LIPC: variants seen among roughly 807,000 people sequenced by gnomAD.
LIPC encodes the protein hepatic triacylglycerol lipase.
Under a neutral mutation model 50.7 loss-of-function variants are expected in LIPC, and 44 were observed. The ratio of observed to expected loss-of-function variants is 0.87; its 90% CI spans 0.68 to 1.11. The LOEUF (loss-of-function observed/expected upper bound fraction) is 1.11. Among genes scored for constraint, LIPC ranks in the 50% most tolerant of loss-of-function variants. The pLI is 0.00. For synonymous variants in LIPC, 271 were observed against 256.4 expected (o/e 1.06, Z -0.54); for missense variants, 697 against 648.2 (o/e 1.08, Z -0.82).
chr15:58,550,635 G>A (rs1281300610), intron 6 of LIPC, among the ~76,000 whole-genome samples: 2 of 151,858 alleles, frequency 1.3e-5, no homozygotes, highest in Non-Finnish European at 2.9e-5. Flanking sequence ...ACTAACCCAC[G>A]ATGAGTTCCT....
In LIPC at chr15:58,541,612, T is replaced by A. The variant is rs142281111; in HGVS notation, c.274-173T>A. The A allele has an allele frequency of 2.9e-5, 20 of 694,580 alleles. No homozygotes were observed. In the East Asian group the frequency reaches 4.6e-4, roughly 16 times the overall value. 43.0% of individuals were successfully genotyped at this position (694,580 alleles called of 1,614,324 possible). On this transcript the variant is annotated intron_variant, in intron 2 of 8. Coordinates refer to ENST00000299022, the MANE Select transcript of LIPC (RefSeq NM_000236.3). ...AGGAATGCTGCTAAACATCGTACAA[T>A]GCCCAAGACAGCCCCCACAACAAGG...
At chr15:58,477,922 A>G (rs1355748128) in intron 1 of LIPC, among the ~76,000 whole-genome samples, 2 of 152,096 alleles carry the variant, frequency 1.3e-5, no homozygotes, top group East Asian at 1.9e-4. Flanking sequence ...AAGTCCCTCT[A>G]TGATCTGAGT....
chr15:58,433,230 G>A (rs1215966500), intron 1 of LIPC, among the ~76,000 whole-genome samples: 2 of 152,118 alleles, frequency 1.3e-5, no homozygotes, highest in Non-Finnish European at 2.9e-5. Context: ...TTGGTTCATA[G>A]TGATTTTGCT....
chr15:58,544,391 C>CTTTTTTTTTTTTT lies in LIPC; in HGVS notation c.575-1348_575-1347insTTTTTTTTTTTTT, dbSNP rs572161614. Among the ~76,000 whole-genome samples, 2 of 110,272 alleles carry CTTTTTTTTTTTTT rather than the reference C, an allele frequency of 1.8e-5. 1 individual carries two copies. Among genetic ancestry groups the CTTTTTTTTTTTTT allele is most frequent in the African/African-American group, 6.6e-5 (2 of 30,186 alleles). 72.3% of individuals were successfully genotyped at this position (110,272 alleles called of 152,430 possible). A position where few individuals can be genotyped will look rare whatever the true frequency, so the allele number is the denominator to read the frequency against. On this transcript the variant is annotated intron_variant, in intron 4 of 8. Transcript: ENST00000299022. Reference sequence around the variant, plus strand: ...CATATCAGGACATTTTTCTTTTTCTCTTTCTTTTTTTTTTTTTTTTTTGAG... The same window carrying CTTTTTTTTTTTTT: ...CATATCAGGACATTTTTCTTTTTCTCTTTTTTTTTTTTTTTTCTTTTTTTTTTTTTTTTTTGAG...
intron 1 of LIPC, among the ~76,000 whole-genome samples, chr15:58,466,270 G>C (rs569871843): frequency 1.3e-5 from 2 of 152,192 alleles, no homozygotes; most frequent in Admixed American, 6.5e-5. Flanking sequence ...AACTCCTAGC[G>C]GGTGACTCAT....
At chr15:58,500,536 C>CA (rs1222529829) in intron 1 of LIPC, among the ~76,000 whole-genome samples, 2 of 152,204 alleles carry the variant, frequency 1.3e-5, no homozygotes, top group African/African-American at 4.8e-5. Context: ...GCGCAGTCTA[C>CA]AGTCACTTGA....
At chr15:58,495,010 C>G (rs1397640723) in intron 1 of LIPC, 1 of 398,856 alleles carries the variant, frequency 2.5e-6, no homozygotes, top group African/African-American at 2.1e-5. Context: ...CTTCCCTCCC[C>G]TGCCCCCTTA....
At chr15:58,556,782 T>C (rs1466069661) in intron 6 of LIPC, among the ~76,000 whole-genome samples, 1 of 152,240 alleles carries the variant, frequency 6.6e-6, no homozygotes, top group Non-Finnish European at 1.5e-5. Flanking sequence ...CTTCATCAGT[T>C]ATTAGCCACG....
Position 58,464,031 on chromosome 15 carries a change from T to C in LIPC, c.88+31911T>C, listed in dbSNP as rs150586533. On this transcript the variant is annotated intron_variant, in intron 1 of 8. Coordinates refer to ENST00000299022, the MANE Select transcript of LIPC (RefSeq NM_000236.3). The stretch of plus-strand genomic sequence containing the variant: ...AATAGAACAGTAGAGAAAACACAGA[T>C]GAAAGGCAAATAACCCCACCTGAAA... Among the ~76,000 whole-genome samples the C allele has an allele frequency of 2.4e-3, 366 of 152,226 alleles. 1 individual carries two copies. Among genetic ancestry groups the C allele is most frequent in the Non-Finnish European group, 3.6e-3 (242 of 68,010 alleles).
At chr15:58,501,865 G>T (rs1377912844) in intron 1 of LIPC, among the ~76,000 whole-genome samples, 1 of 152,080 alleles carries the variant, frequency 6.6e-6, no homozygotes, top group Non-Finnish European at 1.5e-5. Context: ...CCACCCTTCA[G>T]GAATGTTCTG....
chr15:58,460,066 CGGTG>C (rs1417514172), intron 1 of LIPC, among the ~76,000 whole-genome samples: 3 of 152,214 alleles, frequency 2.0e-5, no homozygotes, highest in African/African-American at 7.2e-5. Context: ...TCCAAGCCCA[CGGTG>C]GTTACGTCTG....
chr15:58,482,356 G>A (rs1194791262), intron 1 of LIPC, among the ~76,000 whole-genome samples: 1 of 152,132 alleles, frequency 6.6e-6, no homozygotes, highest in Non-Finnish European at 1.5e-5. Context: ...ACCCTCTCCA[G>A]CTCATGCTCT....
intron 1 of LIPC, among the ~76,000 whole-genome samples, chr15:58,494,181 CAGAG>C (rs1257576293): frequency 1.3e-4 from 20 of 152,234 alleles, no homozygotes; most frequent in African/African-American, 4.6e-4. Context: ...AGAGAATCCC[CAGAG>C]AGAGCAAGAG....
At chr15:58,506,118 G>C (rs1476089860) in intron 1 of LIPC, among the ~76,000 whole-genome samples, 1 of 152,158 alleles carries the variant, frequency 6.6e-6, no homozygotes, top group African/African-American at 2.4e-5. Context: ...GGTGCCTGTA[G>C]TACCTCTTCC....
Position 58,452,697 on chromosome 15 carries a change from C to T in LIPC, c.88+20577C>T, listed in dbSNP as rs942092232. 8.2e-4 allele frequency among the ~76,000 whole-genome samples: 99 copies of T among 120,368 alleles called. 1 individual carries two copies. Among genetic ancestry groups the T allele is most frequent in the Admixed American group, 2.8e-3 (26 of 9,228 alleles). The allele number at this position is 120,368 out of a possible 152,430, so 79.0% of individuals were successfully genotyped here. A position where few individuals can be genotyped will look rare whatever the true frequency, so the allele number is the denominator to read the frequency against. On this transcript the variant is annotated intron_variant, in intron 1 of 8. Transcript: ENST00000299022. ...AGGATAGTTCTGCTCTTTCACTCCT[C>T]TTTTCTCTGGAGCACCGTGGGGTAG... is the stretch of plus-strand genomic sequence containing the variant.
intron 6 of LIPC, 91 bp from the exon 7 acceptor site, chr15:58,560,773 G>A (rs1894131702): frequency 5.7e-6 from 4 of 703,518 alleles, no homozygotes; most frequent in Non-Finnish European, 7.8e-6. Flanking sequence ...TCTTCCCTCT[G>A]CATGTTTAAA....
At position 58,486,971 on chromosome 15, in the gene LIPC, G is replaced by A. The variant is rs187666350; in HGVS notation, c.89-51362G>A. On this transcript the variant is annotated intron_variant, in intron 1 of 8. Transcript: ENST00000299022. ...GTGAGCACGGGCCCACAGTGGGTGT[G>A]AGGCGGGACAACGGGGGCACACTTC... Among the ~76,000 whole-genome samples, 4 of 152,358 alleles carry A rather than the reference G, an allele frequency of 2.6e-5. No homozygotes were observed. In the East Asian group the frequency reaches 7.7e-4, roughly 29 times the overall value.
At chr15:58,517,638 GAGA>G (rs1285833442) in intron 1 of LIPC, among the ~76,000 whole-genome samples, 1 of 152,180 alleles carries the variant, frequency 6.6e-6, no homozygotes, top group African/African-American at 2.4e-5. Context: ...ACACAAATGT[GAGA>G]AGGAGGCTAT....
chr15:58,537,645 CT>C (rs1476201803), intron 1 of LIPC, among the ~76,000 whole-genome samples: 1 of 152,164 alleles, frequency 6.6e-6, no homozygotes, highest in Non-Finnish European at 1.5e-5. Context: ...TCAGCCACCC[CT>C]GACCCCCGCA....
Sources: allele counts gnomAD v4.1 joint callset (sites outside exome capture counted in the v4.1 genomes callset), GRCh38; gene constraint gnomAD v4.1.1; transcripts MANE v1.5; gene names NCBI Gene and HGNC (gene_info 2026-07-23, HGNC 2026-07-21).